VRTN: variants seen among roughly 807,000 people sequenced by gnomAD.
VRTN encodes the protein vertnin.
VRTN carries 5 observed loss-of-function variants against 18.2 expected under a neutral mutation model. The observed-to-expected ratio is 0.27, with a 90% CI of 0.14 to 0.58. The LOEUF is 0.58. Ranked by LOEUF, VRTN falls within the 20% of genes least tolerant of loss-of-function variation. The pLI is 0.91. For missense variants in VRTN, 741 were observed against 939.4 expected (o/e 0.79, Z 2.76); for synonymous variants, 381 against 393.7 (o/e 0.97, Z 0.38).
At chr14:74,305,085 G>A (rs866744550) in intron 1 of VRTN, among the ~76,000 whole-genome samples, 5 of 152,026 alleles carry the variant, frequency 3.3e-5, no homozygotes, top group African/African-American at 4.8e-5. Flanking sequence ...TAATCCCAGC[G>A]CTTTTGGAGG....
At chr14:74,303,646 G>A (rs1293141250) in intron 1 of VRTN, among the ~76,000 whole-genome samples, 2 of 152,102 alleles carry the variant, frequency 1.3e-5, no homozygotes, top group Non-Finnish European at 2.9e-5. Flanking sequence ...CCAAAGGGAG[G>A]TGGGAAATGG....
chr14:74,326,893 T>G (rs2085491669), intron 1 of VRTN, among the ~76,000 whole-genome samples: 1 of 152,152 alleles, frequency 6.6e-6, no homozygotes, highest in South Asian at 2.1e-4. Flanking sequence ...GGCAGCGGGA[T>G]ATGGGTGTGT....
At chr14:74,342,450 T>C (rs2085611511) in intron 2 of VRTN, among the ~76,000 whole-genome samples, 1 of 152,188 alleles carries the variant, frequency 6.6e-6, no homozygotes, top group African/African-American at 2.4e-5. Flanking sequence ...TGTGTATATA[T>C]GTATTCGTGT....
chr14:74,312,894 C>T (rs932587421), intron 1 of VRTN, among the ~76,000 whole-genome samples: 2 of 152,038 alleles, frequency 1.3e-5, no homozygotes, highest in African/African-American at 4.8e-5. Flanking sequence ...AGGCTCACTC[C>T]ACCACGCCTG....
chr14:74,334,437 G>A (rs770735548), intron 1 of VRTN, among the ~76,000 whole-genome samples: 2 of 152,142 alleles, frequency 1.3e-5, no homozygotes, highest in African/African-American at 4.8e-5. Context: ...GGCTGAGGTG[G>A]GAGCATCAAT....
chr14:74,353,877 C>A (rs147067659), intron 1 of VRTN, among the ~76,000 whole-genome samples: 9 of 152,164 alleles, frequency 5.9e-5, no homozygotes, highest in African/African-American at 2.2e-4. Context: ...CGCCCGCCAG[C>A]GTGCCCGGCT....
At chr14:74,320,303 C>T (rs866751660) in intron 1 of VRTN, among the ~76,000 whole-genome samples, 1 of 140,768 alleles carries the variant, frequency 7.1e-6, no homozygotes, top group South Asian at 2.3e-4. Flanking sequence ...CTCTGTCGCC[C>T]AGGCTGGAGT....
At chr14:74,307,108 C>T (rs1327907490) in intron 1 of VRTN, among the ~76,000 whole-genome samples, 1 of 144,552 alleles carries the variant, frequency 6.9e-6, no homozygotes, top group Non-Finnish European at 1.5e-5. Context: ...TACAATAAAT[C>T]AAGTAATACA....
At position 74,356,967 on chromosome 14, in the gene VRTN, G is replaced by GCC. The variant is rs1242344946; in HGVS notation, c.186_187dup (p.Leu63ProfsTer2). 6.2e-7 allele frequency: 1 copy of GCC among 1,613,218 alleles called. No homozygotes were observed. The highest frequency in any genetic ancestry group is 1.1e-5 in the South Asian group (1 of 90,978). ...CCAGGTGCTGGAAGTGGACTCGGTG[G>GCC]CCCTGAGCCTGTATCCAGAAGATGC... On this transcript the variant is annotated frameshift_variant, in exon 2 of 2. Coordinates refer to ENST00000256362, the MANE Select transcript of VRTN (RefSeq NM_018228.3). LOFTEE classifies it high-confidence loss of function.
chr14:74,320,561 C>CTT (rs1567039607), intron 1 of VRTN, among the ~76,000 whole-genome samples: 1 of 91,522 alleles, frequency 1.1e-5, no homozygotes, highest in African/African-American at 4.5e-5. Context: ...TGCGCCCGGC[C>CTT]TCTTTTTTTT....
intron 2 of VRTN, among the ~76,000 whole-genome samples, chr14:74,340,138 G>C (rs1426232958): frequency 7.1e-6 from 1 of 141,008 alleles, no homozygotes. Context: ...TTGAGACGGA[G>C]TTTTGCTCTT....
intron 1 of VRTN, among the ~76,000 whole-genome samples, chr14:74,329,965 C>G (rs558468205): frequency 6.6e-5 from 10 of 150,996 alleles, no homozygotes; most frequent in Non-Finnish European, 8.9e-5. Flanking sequence ...CTCTGCCTCC[C>G]GGTTCAAGCA....
At chr14:74,308,411 T>C (rs558111709) in intron 1 of VRTN, among the ~76,000 whole-genome samples, 1 of 152,346 alleles carries the variant, frequency 6.6e-6, no homozygotes, top group African/African-American at 2.4e-5. Context: ...CTAACTGGAT[T>C]TCTACACTTG....
At position 74,353,517 on chromosome 14, in the gene VRTN, G is replaced by A. The variant is rs553358771; in HGVS notation, c.-1-3266G>A. On this transcript the variant is annotated intron_variant, in intron 1 of 1. Transcript: ENST00000256362. Reference sequence around the variant, plus strand: ...ATAGATTGTTGCTACCCCTTTGAAAGGCTGTTTCTGGGGCAGCACTTCTCA... The same window carrying A: ...ATAGATTGTTGCTACCCCTTTGAAAAGCTGTTTCTGGGGCAGCACTTCTCA... Among the ~76,000 whole-genome samples the A allele has an allele frequency of 3.3e-5, 5 of 152,216 alleles. No homozygotes were observed. The South Asian group carries it at 1.0e-3, about 32-fold the overall frequency.
intron 1 of VRTN, among the ~76,000 whole-genome samples, chr14:74,314,057 T>G (rs1039123968): frequency 6.6e-6 from 1 of 152,204 alleles, no homozygotes; most frequent in Admixed American, 6.5e-5. Flanking sequence ...CTCTTTATCA[T>G]AAGGGTCATG....
chr14:74,336,055 T>C (rs2085561867), intron 1 of VRTN, among the ~76,000 whole-genome samples: 1 of 151,832 alleles, frequency 6.6e-6, no homozygotes, highest in Admixed American at 6.6e-5. Flanking sequence ...ATCTTCTTTA[T>C]TTATTTACAA....
chr14:74,330,449 T>TC (rs1231053321), intron 1 of VRTN, among the ~76,000 whole-genome samples: 1 of 151,310 alleles, frequency 6.6e-6, no homozygotes, highest in Non-Finnish European at 1.5e-5. Flanking sequence ...AACTTTTTTT[T>TC]TTTTTTTTTG....
In VRTN at chr14:74,306,306, G is replaced by A. The variant is rs149977131; in HGVS notation, c.-164+3130G>A. ...CTCAGCCTCCTTAGTAGCTGGGACT[G>A]TAGGTGCTGGCATCACACACAGCTA... On this transcript the variant is annotated intron_variant, in intron 1 of 2. Coordinates refer to the VRTN transcript ENST00000557177. Among the ~76,000 whole-genome samples, 1,208 of 150,548 alleles carry A rather than the reference G, an allele frequency of 8.0e-3. 11 individuals are homozygous for A. Among genetic ancestry groups the A allele is most frequent in the African/African-American group, 0.028 (1,146 of 40,982 alleles).
intron 1 of VRTN, among the ~76,000 whole-genome samples, chr14:74,354,041 A>G (rs539153273): frequency 6.6e-6 from 1 of 152,276 alleles, no homozygotes; most frequent in African/African-American, 2.4e-5. Flanking sequence ...ATCTTCTTTT[A>G]AACCAGATAC....
Sources: allele counts gnomAD v4.1 joint callset (sites outside exome capture counted in the v4.1 genomes callset), GRCh38; gene constraint gnomAD v4.1.1; transcripts MANE v1.5; gene names NCBI Gene and HGNC (gene_info 2026-07-23, HGNC 2026-07-21).